Variants in ZFHX4 observed in about 807,000 individuals in gnomAD.
ZFHX4 encodes the protein zinc finger homeobox protein 4.
A neutral mutation model predicts 267.6 loss-of-function variants in ZFHX4; 56 were observed. The observed-to-expected ratio is 0.21, with a 90% CI of 0.17 to 0.26. ZFHX4 has a LOEUF of 0.26. Among genes scored for constraint, ZFHX4 ranks in the 10% least tolerant of loss-of-function variants. The pLI is 1.00. For synonymous variants in ZFHX4, 1,778 were observed against 1,665.6 expected, an observed-to-expected ratio of 1.07 and a Z score of -1.64; for missense variants, 4,332 against 4,420.0, an observed-to-expected ratio of 0.98 and a Z score of 0.56.
intron 3 of ZFHX4, among the ~76,000 whole-genome samples, chr8:76,747,871 G>C (rs865862802): frequency 6.6e-5 from 10 of 152,260 alleles, no homozygotes; most frequent in South Asian, 4.1e-4. Context: ...GGCGGAGGTT[G>C]CAGTGAGCCG....
chr8:76,721,025 G>T (rs1417753875), intron 3 of ZFHX4, among the ~76,000 whole-genome samples: 1 of 152,136 alleles, frequency 6.6e-6, no homozygotes, highest in Non-Finnish European at 1.5e-5. Flanking sequence ...TGGAAGGGAA[G>T]GCCCTGTTTG....
At chr8:76,808,105 TA>T (rs1263270799) in intron 4 of ZFHX4, among the ~76,000 whole-genome samples, 1 of 152,142 alleles carries the variant, frequency 6.6e-6, no homozygotes, top group African/African-American at 2.4e-5. Context: ...AAAAATTCCA[TA>T]AACTGTTATT....
intron 3 of ZFHX4, among the ~76,000 whole-genome samples, chr8:76,718,913 G>A (rs1370489864): frequency 1.4e-5 from 2 of 146,840 alleles, no homozygotes; most frequent in African/African-American, 2.5e-5. Flanking sequence ...CATTGATAAA[G>A]AAGAAAGTAC....
Position 76,700,519 on chromosome 8 carries a change from C to T in ZFHX4, c.-46-3524C>T, listed in dbSNP as rs1441247163. 3.0e-4 allele frequency among the ~76,000 whole-genome samples: 46 copies of T among 152,156 alleles called. 1 individual carries two copies. The highest frequency in any genetic ancestry group is 3.0e-3 in the Admixed American group (46 of 15,264). ...GAATTCTTCTATTGTTCAGAAAGCA[C>T]CCCCTTTCATTAGTCAGGCTCCTTG... On this transcript the variant is annotated intron_variant, in intron 1 of 10. Transcript: ENST00000651372.
At chr8:76,732,333 A>G (rs1809042305) in intron 3 of ZFHX4, among the ~76,000 whole-genome samples, 2 of 152,246 alleles carry the variant, frequency 1.3e-5, no homozygotes, top group South Asian at 4.1e-4. Context: ...AAATTGCTTG[A>G]CTTTTTAGAA....
At chr8:76,719,947 C>A (rs141153627) in intron 3 of ZFHX4, among the ~76,000 whole-genome samples, 1 of 152,274 alleles carries the variant, frequency 6.6e-6, no homozygotes, top group Non-Finnish European at 1.5e-5. Context: ...TACAGTGAAT[C>A]TTGAGACCAT....
intron 1 of ZFHX4, among the ~76,000 whole-genome samples, chr8:76,692,653 T>C (rs1357877468): frequency 6.6e-6 from 1 of 152,126 alleles, no homozygotes; most frequent in African/African-American, 2.4e-5. Flanking sequence ...TTAATGTATA[T>C]AAATACAATT....
In ZFHX4 at chr8:76,864,865, C is replaced by T; in HGVS notation, c.*300C>T. 1 of 207,018 alleles carries T rather than the reference C, an allele frequency of 4.8e-6. No individual in the cohort carries two copies. The highest frequency in any genetic ancestry group is 1.3e-4 in the South Asian group (1 of 7,992). The allele number at this position is 207,018 out of a possible 1,614,324, so 12.8% of individuals were successfully genotyped here. ...CAAAAACTCTCAAGAAAGCAAATTG[C>T]ACCTCAGCTGGATTGATTTCCAAAT... On this transcript the variant is annotated 3_prime_UTR_variant, in exon 11 of 11. Coordinates refer to ENST00000651372, the MANE Select transcript of ZFHX4 (RefSeq NM_024721.5).
intron 3 of ZFHX4, among the ~76,000 whole-genome samples, chr8:76,726,166 G>A (rs571713667): frequency 1.9e-3 from 293 of 151,444 alleles, no homozygotes; most frequent in Non-Finnish European, 3.4e-3. Flanking sequence ...TTTTTTTTTG[G>A]AAATTTGCAG....
intron 6 of ZFHX4, among the ~76,000 whole-genome samples, chr8:76,845,953 T>C (rs952126289): frequency 2.0e-5 from 3 of 152,026 alleles, no homozygotes; most frequent in African/African-American, 4.8e-5. Flanking sequence ...ATTATGATCC[T>C]ATTTTAAAAT....
chr8:76,843,616 C>T (rs954844978), intron 6 of ZFHX4, among the ~76,000 whole-genome samples: 13 of 152,054 alleles, frequency 8.5e-5, no homozygotes, highest in Non-Finnish European at 4.4e-5. Context: ...TTTTGCTGCA[C>T]GCTATACCTC....
At chr8:76,818,665 A>C (rs1811567104) in intron 4 of ZFHX4, among the ~76,000 whole-genome samples, 1 of 152,136 alleles carries the variant, frequency 6.6e-6, no homozygotes, top group Non-Finnish European at 1.5e-5. Flanking sequence ...TAATGCCAGC[A>C]CTTTGGGAGG....
chr8:76,718,935 T>TCACACACACACACACA (rs34486060), intron 3 of ZFHX4, among the ~76,000 whole-genome samples: 4 of 141,278 alleles, frequency 2.8e-5, no homozygotes, highest in African/African-American at 5.2e-5. Flanking sequence ...CTGAAATTGA[T>TCACACACACACACACA]CACACACACA....
intron 1 of ZFHX4, among the ~76,000 whole-genome samples, chr8:76,692,408 G>A (rs1484259367): frequency 6.6e-6 from 1 of 152,092 alleles, no homozygotes; most frequent in African/African-American, 2.4e-5. Context: ...AAAGGAGAAT[G>A]GATACTGTTA....
chr8:76,759,919 G>A (rs1809865758), intron 3 of ZFHX4, among the ~76,000 whole-genome samples: 1 of 152,082 alleles, frequency 6.6e-6, no homozygotes, highest in Admixed American at 6.6e-5. Flanking sequence ...TGATCTAAGT[G>A]ATCAACTCTT....
chr8:76,710,190 A>T (rs2131619051), intron 3 of ZFHX4, among the ~76,000 whole-genome samples: 1 of 152,322 alleles, frequency 6.6e-6, no homozygotes, highest in African/African-American at 2.4e-5. Flanking sequence ...TTAATAGAAG[A>T]TTGAAGAGAT....
Position 76,847,730 on chromosome 8 carries a change from G to T in ZFHX4, c.3512-1265G>T, listed in dbSNP as rs189733765. Among the ~76,000 whole-genome samples, 316 of 151,530 alleles carry T rather than the reference G, an allele frequency of 2.1e-3. 2 individuals are homozygous for T. The highest frequency in any genetic ancestry group is 4.1e-3 in the Non-Finnish European group (275 of 67,870). ...TGCATCTCTATCCACAGTTGAAATA[G>T]AATGTATTTTTTTTGTTTATTTTTA... is the stretch of plus-strand genomic sequence containing the variant. On this transcript the variant is annotated intron_variant, in intron 6 of 10. Coordinates refer to ENST00000651372, the MANE Select transcript of ZFHX4 (RefSeq NM_024721.5).
At chr8:76,689,220 A>G (rs1299078520) in intron 1 of ZFHX4, among the ~76,000 whole-genome samples, 1 of 152,144 alleles carries the variant, frequency 6.6e-6, no homozygotes, top group Admixed American at 6.6e-5. Context: ...CCATAAGAAA[A>G]TGTGTTAATT....
chr8:76,833,730 C>T (rs1478789618), intron 5 of ZFHX4: 1 of 274,932 alleles, frequency 3.6e-6, no homozygotes, highest in East Asian at 9.9e-5. Flanking sequence ...TATATTGACA[C>T]AACATTATCA....
Sources: allele counts gnomAD v4.1 joint callset (sites outside exome capture counted in the v4.1 genomes callset), GRCh38; gene constraint gnomAD v4.1.1; transcripts MANE v1.5; gene names NCBI Gene and HGNC (gene_info 2026-07-23, HGNC 2026-07-21).